Variants in KLF8 observed in about 807,000 individuals in gnomAD.
KLF8 encodes the protein Krueppel-like factor 8.
A neutral mutation model predicts 18.2 loss-of-function variants in KLF8; 10 were observed. The ratio of observed to expected loss-of-function variants is 0.55; its 90% CI spans 0.34 to 0.93. KLF8 has a LOEUF of 0.93. Ranked by LOEUF, KLF8 falls within the 40% of genes least tolerant of loss-of-function variation. The probability of loss-of-function intolerance (pLI) is 0.02; values close to 1 mark genes in which losing one functional copy is unlikely to be tolerated. For synonymous variants in KLF8, 109 were observed against 97.3 expected (o/e 1.12, Z -0.71); for missense variants, 264 against 277.9 (o/e 0.95, Z 0.36).
chrX:55,964,910 T>C, the KLF8 span, among the ~76,000 whole-genome samples: 11 of 111,283 alleles, frequency 9.9e-5, no homozygotes, highest in East Asian at 2.8e-3. Flanking sequence ...GAATCCCTAA[T>C]AAAAAATACC....
the KLF8 span, among the ~76,000 whole-genome samples, chrX:56,058,303 T>TATATAC: frequency 1.5e-5 from 1 of 68,614 alleles, no homozygotes; most frequent in Admixed American, 1.7e-4. Context: ...TATATATATA[T>TATATAC]ATATATATAT....
intron 2 of KLF8, among the ~76,000 whole-genome samples, chrX:56,255,009 C>T (rs1441372694): frequency 2.7e-5 from 3 of 112,445 alleles, no homozygotes; most frequent in Non-Finnish European, 3.8e-5. Flanking sequence ...CTGTCCCTGT[C>T]AGTATGGACA....
chrX:56,050,081 G>A, the KLF8 span, among the ~76,000 whole-genome samples: 11 of 110,300 alleles, frequency 1.0e-4, no homozygotes, highest in Non-Finnish European at 2.1e-4. Context: ...TTCTCTGATG[G>A]TAGTTTGTAT....
chrX:55,942,541 G>A, the KLF8 span, among the ~76,000 whole-genome samples: 1 of 111,235 alleles, frequency 9.0e-6, no homozygotes, highest in African/African-American at 3.3e-5. Flanking sequence ...AATAAAAAAA[G>A]AATCTAGTCA....
intron 5 of KLF8, among the ~76,000 whole-genome samples, chrX:56,281,212 A>G (rs925751286): frequency 3.6e-5 from 4 of 110,945 alleles, no homozygotes; most frequent in African/African-American, 9.9e-5. Flanking sequence ...TATAATAAGG[A>G]TCATCTCATA....
the KLF8 span, among the ~76,000 whole-genome samples, chrX:55,989,575 C>G: frequency 3.6e-5 from 4 of 112,056 alleles, no homozygotes; most frequent in Admixed American, 3.8e-4. Flanking sequence ...GGTGGATAAG[C>G]TTTTTGATGT....
chrX:55,988,993 GCTCT>G, the KLF8 span, among the ~76,000 whole-genome samples: 1 of 111,355 alleles, frequency 9.0e-6, no homozygotes, highest in Non-Finnish European at 1.9e-5. Context: ...TCATGATTTG[GCTCT>G]CTGTTTGTCT....
chrX:56,063,438 G>A, the KLF8 span, among the ~76,000 whole-genome samples: 1 of 111,744 alleles, frequency 8.9e-6, no homozygotes, highest in Non-Finnish European at 1.9e-5. Flanking sequence ...CAAGTCTGCT[G>A]GAGTTTGCTG....
At chrX:56,167,519 C>T in the KLF8 span, among the ~76,000 whole-genome samples, 1 of 112,152 alleles carries the variant, frequency 8.9e-6, no homozygotes, top group Non-Finnish European at 1.9e-5. Flanking sequence ...GCTGGAAGAA[C>T]ATATCACTGT....
At chrX:56,060,996 AT>A in the KLF8 span, among the ~76,000 whole-genome samples, 226 of 111,929 alleles carry the variant, frequency 2.0e-3, 1 homozygote, top group African/African-American at 6.9e-3. Context: ...TGTTTCTAGT[AT>A]TCTCTGATGG....
chrX:56,092,834 G>A, the KLF8 span, among the ~76,000 whole-genome samples: 1 of 109,502 alleles, frequency 9.1e-6, no homozygotes, highest in African/African-American at 3.3e-5. Flanking sequence ...TAAGTAGAGA[G>A]ATGAAAACTC....
the KLF8 span, among the ~76,000 whole-genome samples, chrX:56,214,173 G>C: frequency 9.0e-6 from 1 of 110,686 alleles, no homozygotes; most frequent in African/African-American, 3.3e-5. Flanking sequence ...GTATAGGATG[G>C]GGGGTGAGGG....
the KLF8 span, among the ~76,000 whole-genome samples, chrX:56,050,246 GT>G: frequency 1.8e-5 from 2 of 111,274 alleles, no homozygotes; most frequent in Admixed American, 9.5e-5. Flanking sequence ...TTTTTTAAGG[GT>G]TTTTTGTGTC....
chrX:56,036,682 A>G, the KLF8 span, among the ~76,000 whole-genome samples: 1 of 111,948 alleles, frequency 8.9e-6, no homozygotes. Context: ...AGTTCCATAC[A>G]TATTTTAGAA....
chrX:55,949,333 CTGTGTGTGTGTGTGTG>C, the KLF8 span, among the ~76,000 whole-genome samples: 7 of 88,178 alleles, frequency 7.9e-5, no homozygotes, highest in African/African-American at 1.8e-4. Context: ...TTTTCATATG[CTGTGTGTGTGTGTGTG>C]TGTGTGTGTG....
At chrX:56,277,229 C>T (rs943598423) in intron 5 of KLF8, among the ~76,000 whole-genome samples, 9 of 111,619 alleles carry the variant, frequency 8.1e-5, no homozygotes, top group Non-Finnish European at 1.1e-4. Context: ...TATTCATTAG[C>T]GTCTGGGCAT....
At chrX:56,150,065 C>G in the KLF8 span, among the ~76,000 whole-genome samples, 2 of 111,985 alleles carry the variant, frequency 1.8e-5, no homozygotes, top group African/African-American at 6.5e-5. Context: ...AGTAAAGACT[C>G]AGTCTTCTCT....
At chrX:56,246,486 C>T (rs1411355403) in intron 1 of KLF8, among the ~76,000 whole-genome samples, 1 of 111,642 alleles carries the variant, frequency 9.0e-6, no homozygotes, top group East Asian at 2.8e-4. Context: ...AATTCTGTGA[C>T]CTGGTACTAT....
chrX:56,072,034 T>C, the KLF8 span, among the ~76,000 whole-genome samples: 1 of 111,762 alleles, frequency 8.9e-6, no homozygotes, highest in African/African-American at 3.2e-5. Flanking sequence ...GAATGACTTT[T>C]TGTGCCTTGG....
Sources: gnomAD v4.1 joint callset for allele counts (sites outside exome capture counted in the v4.1 genomes callset) on GRCh38, gnomAD v4.1.1 for gene constraint, MANE v1.5 for transcripts, NCBI Gene and HGNC (gene_info 2026-07-23, HGNC 2026-07-21) for gene names.